Variants in STK39 observed in about 807,000 individuals in gnomAD.
STK39 encodes STE20/SPS1-related proline-alanine-rich protein kinase.
In STK39, 20 loss-of-function variants were observed where a neutral mutation model predicts 77.8. The observed-to-expected ratio is 0.26, with a 90% CI of 0.18 to 0.37. The LOEUF (loss-of-function observed/expected upper bound fraction) is 0.37, where lower values mean the gene tolerates loss of function less well. Ranked by LOEUF, STK39 falls within the 10% of genes least tolerant of loss-of-function variation. STK39 has a pLI of 1.00. For synonymous variants in STK39, 246 were observed against 234.1 expected (o/e 1.05, Z -0.47); for missense variants, 479 against 656.5 (o/e 0.73, Z 2.95).
At position 167,959,498 on chromosome 2, in the gene STK39, G is replaced by A. The variant is rs141800727; in HGVS notation, c.1564-3928C>T. 9.2e-5 allele frequency among the ~76,000 whole-genome samples: 14 copies of A among 151,706 alleles called. 1 individual carries two copies. The highest frequency in any genetic ancestry group is 3.4e-4 in the African/African-American group (14 of 41,344). ...TGAAAAAAATGTCTGCCAAATATCC[G>A]AGTCTGAAAAACCAGTTTGTCAGCT... On this transcript the variant is annotated intron_variant, in intron 17 of 17. Transcript: ENST00000355999.
At chr2:168,233,827 A>G (rs528713255) in intron 1 of STK39, among the ~76,000 whole-genome samples, 39 of 152,330 alleles carry the variant, frequency 2.6e-4, no homozygotes, top group Non-Finnish European at 4.3e-4. Context: ...CTCTAAAATG[A>G]TCTTTTTTAA....
intron 16 of STK39, among the ~76,000 whole-genome samples, chr2:168,004,997 CTTTTTTTTT>C (rs10563812): frequency 1.3e-5 from 1 of 77,542 alleles, no homozygotes; most frequent in East Asian, 4.1e-4. Flanking sequence ...AGAAGGCCCT[CTTTTTTTTT>C]TTTTTTTTTT....
rs1314809265 is a variant in STK39 at position 167,955,464 on chromosome 2, T to A, written c.*32A>T. 1 of 1,607,528 alleles carries A rather than the reference T, an allele frequency of 6.2e-7. No homozygotes were observed. Among genetic ancestry groups the A allele is most frequent in the Non-Finnish European group, 8.5e-7 (1 of 1,177,456 alleles). Reference sequence around the variant, plus strand: ...AGGGAGTAGGGGTGGCGGTGGGGCATGACAGATCAGGGTGACATCAAGGGA... The same window carrying A: ...AGGGAGTAGGGGTGGCGGTGGGGCAAGACAGATCAGGGTGACATCAAGGGA... On this transcript the variant is annotated 3_prime_UTR_variant, in exon 18 of 18. Coordinates refer to ENST00000355999, the MANE Select transcript of STK39 (RefSeq NM_013233.3).
At chr2:167,985,225 T>C (rs1683527049) in intron 16 of STK39, among the ~76,000 whole-genome samples, 1 of 152,328 alleles carries the variant, frequency 6.6e-6, no homozygotes, top group Non-Finnish European at 1.5e-5. Context: ...TTCCCTGATA[T>C]TGTTCTCTTA....
rs145653048 is a variant in STK39 at position 168,110,215 on chromosome 2, T to C, written c.1089+19326A>G. 3.0e-4 allele frequency among the ~76,000 whole-genome samples: 46 copies of C among 152,278 alleles called. No individual in the cohort carries two copies. The East Asian group carries it at 8.3e-3, about 27-fold the overall frequency. ...AGTTATATGTATGTATGCTGTGAGATTAAAATATTTATTTATTTTTGTTTA... is the reference window on the plus strand; with the variant it reads ...AGTTATATGTATGTATGCTGTGAGACTAAAATATTTATTTATTTTTGTTTA... On this transcript the variant is annotated intron_variant, in intron 10 of 17. Transcript: ENST00000355999.
intron 5 of STK39, among the ~76,000 whole-genome samples, chr2:168,149,998 C>G (rs1381797948): frequency 6.6e-6 from 1 of 152,198 alleles, no homozygotes; most frequent in Non-Finnish European, 1.5e-5. Context: ...ATAAACCAGA[C>G]CAGCATTACC....
chr2:168,232,911 CA>C (rs397952357), intron 1 of STK39, among the ~76,000 whole-genome samples: 20 of 144,204 alleles, frequency 1.4e-4, no homozygotes, highest in South Asian at 2.2e-4. Flanking sequence ...GATGCTGTCT[CA>C]AAAAAAAAAA....
chr2:168,056,607 G>A (rs776898363), intron 14 of STK39, among the ~76,000 whole-genome samples: 15 of 152,172 alleles, frequency 9.9e-5, no homozygotes, highest in African/African-American at 1.9e-4. Flanking sequence ...ATACCCGGCA[G>A]CCACGCATCA....
chr2:168,056,354 G>A (rs952955610), intron 14 of STK39, among the ~76,000 whole-genome samples: 1 of 151,926 alleles, frequency 6.6e-6, no homozygotes, highest in Non-Finnish European at 1.5e-5. Flanking sequence ...GGGGAGGGGC[G>A]TGCAGTGAGG....
At chr2:168,094,362 CCCT>C (rs2105439189) in intron 10 of STK39, among the ~76,000 whole-genome samples, 1 of 152,262 alleles carries the variant, frequency 6.6e-6, no homozygotes, top group African/African-American at 2.4e-5. Context: ...ATTTTTCTCC[CCCT>C]CCACACTGAA....
chr2:168,070,372 T>C (rs1685907359), intron 12 of STK39, among the ~76,000 whole-genome samples: 1 of 151,958 alleles, frequency 6.6e-6, no homozygotes, highest in Non-Finnish European at 1.5e-5. Context: ...GATAAACAAA[T>C]GAAACAAGGA....
intron 16 of STK39, among the ~76,000 whole-genome samples, chr2:167,992,038 C>G (rs1015945455): frequency 6.6e-6 from 1 of 152,132 alleles, no homozygotes; most frequent in Non-Finnish European, 1.5e-5. Context: ...GCGGAGATGA[C>G]GTGCTCTGTT....
At chr2:168,157,705 C>T (rs1688470827) in intron 5 of STK39, among the ~76,000 whole-genome samples, 1 of 152,202 alleles carries the variant, frequency 6.6e-6, no homozygotes, top group Non-Finnish European at 1.5e-5. Flanking sequence ...CCAAAGGCCC[C>T]ACCTCCTAAC....
rs10182040 is a variant in STK39, at chr2:168,191,357, A to G, written c.209-9267T>C. On this transcript the variant is annotated intron_variant, in intron 1 of 17. Transcript: ENST00000355999. ...TATACAACCTTGGTGGTCTTCAATCAAAGGTTATTAGCATATCCACAGCCC... is the reference window on the plus strand; with the variant it reads ...TATACAACCTTGGTGGTCTTCAATCGAAGGTTATTAGCATATCCACAGCCC... Among the ~76,000 whole-genome samples, 275 of 152,278 alleles carry G rather than the reference A, an allele frequency of 1.8e-3. 1 individual carries two copies. Among genetic ancestry groups the G allele is most frequent in the African/African-American group, 6.0e-3 (250 of 41,560 alleles).
At chr2:168,106,972 G>A (rs1686991255) in intron 10 of STK39, among the ~76,000 whole-genome samples, 1 of 152,130 alleles carries the variant, frequency 6.6e-6, no homozygotes, top group African/African-American at 2.4e-5. Context: ...ATCAAAAAAT[G>A]TTTTGAAGAT....
intron 16 of STK39, among the ~76,000 whole-genome samples, chr2:167,998,730 C>A (rs1031743283): frequency 6.6e-6 from 1 of 152,062 alleles, no homozygotes; most frequent in African/African-American, 2.4e-5. Context: ...TCCTCCTGGC[C>A]CCCAAACATT....
rs1465640503 is a variant in STK39 at position 168,247,456 on chromosome 2, G to T, written c.-21C>A. ...GCCATGATGCTGCGGAGGAGAGCAG[G>T]AGGACGCGCCGGCCGACGGACGACC... is the stretch of plus-strand genomic sequence containing the variant. On this transcript the variant is annotated 5_prime_UTR_variant, in exon 1 of 18. Transcript: ENST00000355999. 2 of 1,312,940 alleles carry T rather than the reference G, an allele frequency of 1.5e-6. No individual in the cohort carries two copies. Among genetic ancestry groups the T allele is most frequent in the Non-Finnish European group, 2.0e-6 (2 of 1,017,590 alleles). The allele number at this position is 1,312,940 out of a possible 1,614,324, so 81.3% of individuals were successfully genotyped here. A position where few individuals can be genotyped will look rare whatever the true frequency, so the allele number is the denominator to read the frequency against.
intron 14 of STK39, among the ~76,000 whole-genome samples, chr2:168,039,696 G>C (rs768774099): frequency 4.6e-5 from 7 of 152,092 alleles, no homozygotes; most frequent in Non-Finnish European, 7.3e-5. Context: ...AAACTTCTCA[G>C]GGAGAAGGAA....
intron 14 of STK39, among the ~76,000 whole-genome samples, chr2:168,046,375 A>C (rs1357223134): frequency 6.8e-6 from 1 of 147,058 alleles, no homozygotes; most frequent in Non-Finnish European, 1.5e-5. Flanking sequence ...CTCAAAAACA[A>C]AACAAACAAA....
Sources: allele counts gnomAD v4.1 joint callset (sites outside exome capture counted in the v4.1 genomes callset), GRCh38; gene constraint gnomAD v4.1.1; transcripts MANE v1.5; gene names NCBI Gene and HGNC (gene_info 2026-07-23, HGNC 2026-07-21).